Variants in CCDC7 observed in about 807,000 individuals in gnomAD.
CCDC7 encodes coiled-coil domain-containing protein 7.
CCDC7 carries 183 observed loss-of-function variants against 196.9 expected under a neutral mutation model. The ratio of observed to expected loss-of-function variants is 0.93; its 90% CI spans 0.82 to 1.05. The LOEUF is 1.05. Among genes scored for constraint, CCDC7 ranks in the 50% least tolerant of loss-of-function variants. The probability of loss-of-function intolerance (pLI) is 0.00; values close to 1 mark genes in which losing one functional copy is unlikely to be tolerated. For missense variants in CCDC7, 1,540 were observed against 1,482.2 expected (o/e 1.04, Z -0.64); for synonymous variants, 525 against 484.6 (o/e 1.08, Z -1.10).
chr10:32,661,058 A>G (rs2071286268), intron 20 of CCDC7, among the ~76,000 whole-genome samples: 1 of 148,068 alleles, frequency 6.8e-6, no homozygotes, highest in Admixed American at 6.7e-5. Context: ...ATGGGAGAAA[A>G]TTTTCACAAC....
intron 20 of CCDC7, among the ~76,000 whole-genome samples, chr10:32,643,262 T>C (rs1435768770): frequency 2.0e-5 from 3 of 152,196 alleles, no homozygotes; most frequent in Non-Finnish European, 4.4e-5. Context: ...AGGAACCTTC[T>C]GAATCTCTGG....
chr10:32,841,214 T>G (rs899643753), intron 33 of CCDC7, among the ~76,000 whole-genome samples: 1 of 152,046 alleles, frequency 6.6e-6, no homozygotes, highest in Non-Finnish European at 1.5e-5. Context: ...AAACTGTAAC[T>G]GTTTGCTGAT....
intron 21 of CCDC7, among the ~76,000 whole-genome samples, chr10:32,676,385 G>A (rs542790551): frequency 6.6e-6 from 1 of 151,754 alleles, no homozygotes; most frequent in Non-Finnish European, 1.5e-5. Flanking sequence ...TAATTAAACT[G>A]AAGAGCTTCT....
intron 28 of CCDC7, among the ~76,000 whole-genome samples, chr10:32,733,159 T>G (rs2084272858): frequency 6.6e-6 from 1 of 152,108 alleles, no homozygotes; most frequent in South Asian, 2.1e-4. Context: ...TTTAACTTGA[T>G]TATAAAATAT....
Position 32,863,448 on chromosome 10 carries a change from G to C in CCDC7, c.4111+8959G>C, listed in dbSNP as rs186047292. On this transcript the variant is annotated intron_variant, in intron 41 of 41. Coordinates refer to ENST00000639629, the Ensembl canonical transcript of CCDC7. ...GCTCACTGTCACCTTTAACTCCTGGGTTCAAACAATCCTCCTGCCCCAGCC... is the reference window on the plus strand; with the variant it reads ...GCTCACTGTCACCTTTAACTCCTGGCTTCAAACAATCCTCCTGCCCCAGCC... Among the ~76,000 whole-genome samples the C allele has an allele frequency of 2.4e-4, 36 of 152,120 alleles. No homozygotes were observed. In the East Asian group the frequency reaches 6.6e-3, roughly 28 times the overall value.
At chr10:32,542,633 CAAAAAA>C (rs11375465) in intron 11 of CCDC7, among the ~76,000 whole-genome samples, 1 of 87,964 alleles carries the variant, frequency 1.1e-5, no homozygotes, top group African/African-American at 4.7e-5. Context: ...ACTCCCATCT[CAAAAAA>C]AAAAAAAAAA....
chr10:32,464,151 A>G (rs2036280266), intron 5 of CCDC7, among the ~76,000 whole-genome samples: 1 of 152,138 alleles, frequency 6.6e-6, no homozygotes, highest in African/African-American at 2.4e-5. Context: ...CTCATCTCCA[A>G]AGATCTCTTG....
chr10:32,788,193 G>A (rs1036986158), intron 29 of CCDC7, among the ~76,000 whole-genome samples: 2 of 151,964 alleles, frequency 1.3e-5, no homozygotes, highest in African/African-American at 2.4e-5. Flanking sequence ...AGCCCCAGTA[G>A]CTCCAGGCCC....
intron 9 of CCDC7, among the ~76,000 whole-genome samples, chr10:32,497,760 G>A (rs1249386071): frequency 1.3e-5 from 2 of 152,074 alleles, no homozygotes; most frequent in African/African-American, 4.8e-5. Flanking sequence ...TGAGAGACTT[G>A]TTTGTTATGA....
At chr10:32,640,421 G>A (rs574769434) in intron 20 of CCDC7, among the ~76,000 whole-genome samples, 1 of 152,040 alleles carries the variant, frequency 6.6e-6, no homozygotes, top group Non-Finnish European at 1.5e-5. Context: ...TGAGATGGGT[G>A]TCCTGAATAC....
chr10:32,770,253 A>G (rs756921542), intron 28 of CCDC7, among the ~76,000 whole-genome samples: 15 of 152,150 alleles, frequency 9.9e-5, no homozygotes, highest in Non-Finnish European at 1.9e-4. Flanking sequence ...GTAGGCATTT[A>G]ATGTTAACTT....
downstream of CCDC7, among the ~76,000 whole-genome samples, chr10:32,877,576 A>G (rs1398839670): frequency 6.6e-6 from 1 of 152,132 alleles, no homozygotes; most frequent in Non-Finnish European, 1.5e-5. Context: ...GTTTGCCCCT[A>G]TGAACTACCT....
At chr10:32,564,213 C>G (rs1465394684) in intron 13 of CCDC7, among the ~76,000 whole-genome samples, 1 of 152,104 alleles carries the variant, frequency 6.6e-6, no homozygotes, top group African/African-American at 2.4e-5. Context: ...GGACTGTAAA[C>G]TAGTTCAACC....
At position 32,743,882 on chromosome 10, in the gene CCDC7, G is replaced by A. The variant is rs188505769; in HGVS notation, c.2905+14425G>A. The stretch of plus-strand genomic sequence containing the variant: ...AAACCATCATTCTCAGCAAGCCATC[G>A]CAAGGACAAAAAACCAAACACCGCA... On this transcript the variant is annotated intron_variant, in intron 28 of 41. Transcript: ENST00000639629. 8.2e-3 allele frequency among the ~76,000 whole-genome samples: 1,228 copies of A among 150,658 alleles called. 7 individuals are homozygous for A. Among genetic ancestry groups the A allele is most frequent in the South Asian group, 0.021 (101 of 4,756 alleles).
At chr10:32,576,965 T>C (rs111692036) in intron 16 of CCDC7, among the ~76,000 whole-genome samples, 3 of 152,308 alleles carry the variant, frequency 2.0e-5, no homozygotes, top group African/African-American at 7.2e-5. Flanking sequence ...TTAGATTCAG[T>C]TCTTTCTCAT....
chr10:32,778,722 A>G (rs1161633970), intron 28 of CCDC7, among the ~76,000 whole-genome samples: 1 of 152,194 alleles, frequency 6.6e-6, no homozygotes, highest in Non-Finnish European at 1.5e-5. Context: ...TAAAAATGAC[A>G]TTGGTAGTTT....
Position 32,847,930 on chromosome 10 carries a change from T to G in CCDC7, c.3772+14T>G. On this transcript the variant is annotated intron_variant, in intron 38 of 41. Coordinates refer to ENST00000639629, the Ensembl canonical transcript of CCDC7. The stretch of plus-strand genomic sequence containing the variant: ...GGACTCACTATGGTAAGAATAATAA[T>G]TTTAAGTCTAATATTTACAGTTTAT... The G allele has an allele frequency of 6.6e-7, 1 of 1,503,990 alleles. No individual in the cohort carries two copies. The highest frequency in any genetic ancestry group is 9.2e-7 in the Non-Finnish European group (1 of 1,086,934). 93.2% of individuals were successfully genotyped at this position (1,503,990 alleles called of 1,614,324 possible). A position where few individuals can be genotyped will look rare whatever the true frequency, so the allele number is the denominator to read the frequency against.
At chr10:32,534,661 T>C (rs1226467087) in intron 11 of CCDC7, among the ~76,000 whole-genome samples, 2 of 152,196 alleles carry the variant, frequency 1.3e-5, no homozygotes, top group South Asian at 2.1e-4. Context: ...TTGTCTGGAA[T>C]TGGGGAGGTC....
chr10:32,587,265 C>T (rs1205839393), intron 18 of CCDC7, among the ~76,000 whole-genome samples: 6 of 152,086 alleles, frequency 3.9e-5, no homozygotes, highest in Admixed American at 3.3e-4. Context: ...CACAGACTGG[C>T]TAATATAAAG....
Sources: allele counts gnomAD v4.1 joint callset (sites outside exome capture counted in the v4.1 genomes callset), GRCh38; gene constraint gnomAD v4.1.1; transcripts MANE v1.5; gene names NCBI Gene and HGNC (gene_info 2026-07-23, HGNC 2026-07-21).